The following TAF3 variants were observed in gnomAD, a reference collection of about 807,000 sequenced individuals.
TAF3 encodes TATA-box binding protein associated factor 3.
A neutral mutation model predicts 80.6 loss-of-function variants in TAF3; 7 were observed. The ratio of observed to expected loss-of-function variants is 0.09; its 90% confidence interval spans 0.05 to 0.16. TAF3 has a LOEUF of 0.16. Ranked by LOEUF, TAF3 falls within the 10% of genes least tolerant of loss-of-function variation. The pLI is 1.00. For synonymous variants in TAF3, 444 were observed against 446.1 expected (o/e 1.00, Z 0.06); for missense variants, 921 against 1,140.2 (o/e 0.81, Z 2.77).
rs779441787 is a variant in TAF3, at chr10:7,977,259, G to T, written c.2251G>T (p.Ala751Ser). The T allele has an allele frequency of 1.2e-6, 2 of 1,614,116 alleles. No individual in the cohort carries two copies. The highest frequency in any genetic ancestry group is 1.7e-5 in the Admixed American group (1 of 60,020). ...TCCACAGATAAAAGTGGAACCAGTC[G>T]CTCTGGCCCCGAGTCCAGTTATCCC... is the stretch of plus-strand genomic sequence containing the variant. ...KHEKIKVEPV[A>S]LAPSPVIPRL... is the part of the protein sequence containing the mutation. Residue 751 changes from alanine (A) to serine (S), a missense_variant, in exon 4 of 7, where the codon GCT becomes TCT. This residue lies in a region of TAF3 where 743 missense variants were observed against 821.0 expected (regional missense o/e 0.90). Coordinates refer to ENST00000344293, the MANE Select transcript of TAF3 (RefSeq NM_031923.4).
At chr10:7,900,408 T>G (rs1277170886) in intron 2 of TAF3, among the ~76,000 whole-genome samples, 1 of 152,224 alleles carries the variant, frequency 6.6e-6, no homozygotes, top group African/African-American at 2.4e-5. Flanking sequence ...TTTGGTAGCC[T>G]GAAATTGGAG....
chr10:7,845,310 G>A (rs565289383), intron 2 of TAF3, among the ~76,000 whole-genome samples: 4 of 151,114 alleles, frequency 2.6e-5, no homozygotes, highest in Non-Finnish European at 5.9e-5. Flanking sequence ...AGGTCTTTGT[G>A]TGTGTGCGTG....
intron 4 of TAF3, among the ~76,000 whole-genome samples, chr10:7,991,283 A>AC (rs1831831136): frequency 6.6e-6 from 1 of 152,194 alleles, no homozygotes; most frequent in East Asian, 1.9e-4. Context: ...TCCCTTGGAC[A>AC]CCTTTTTTTA....
At chr10:7,986,818 G>A (rs181442755) in intron 4 of TAF3, among the ~76,000 whole-genome samples, 1 of 152,306 alleles carries the variant, frequency 6.6e-6, no homozygotes, top group East Asian at 1.9e-4. Flanking sequence ...AAAAGGATAT[G>A]TAGCTAGGAT....
At chr10:7,908,160 A>T (rs974333658) in intron 2 of TAF3, among the ~76,000 whole-genome samples, 26 of 152,066 alleles carry the variant, frequency 1.7e-4, no homozygotes, top group Admixed American at 7.9e-4. Context: ...GTACATAGAC[A>T]TGTACGTTTG....
At position 7,965,058 on chromosome 10, in the gene TAF3, T is replaced by G; in HGVS notation, c.1548T>G (p.Pro516=). 1 of 1,614,008 alleles carries G rather than the reference T, an allele frequency of 6.2e-7. No individual in the cohort carries two copies. The highest frequency in any genetic ancestry group is 8.5e-7 in the Non-Finnish European group (1 of 1,180,040). ...TGTATGAGGAGAAAACCAAGCTGCC[T>G]TCCTCCGTGGAGGTAAAGAAGAAGT... ...HKVYEEKTKL[P]SSVEVKKKLK... The change falls in exon 3 of 7, where the codon CCT becomes CCG. Residue 516 remains proline, a synonymous_variant. Coordinates refer to ENST00000344293, the MANE Select transcript of TAF3 (RefSeq NM_031923.4).
At chr10:7,932,803 G>T (rs539605287) in intron 2 of TAF3, among the ~76,000 whole-genome samples, 2 of 149,766 alleles carry the variant, frequency 1.3e-5, no homozygotes, top group Non-Finnish European at 3.0e-5. Flanking sequence ...TCAGCCCCTA[G>T]AGTAGCTGGT....
At chr10:7,870,817 C>T (rs1156473731) in intron 2 of TAF3, among the ~76,000 whole-genome samples, 1 of 152,004 alleles carries the variant, frequency 6.6e-6, no homozygotes, top group Non-Finnish European at 1.5e-5. Context: ...CTTCTTCTGC[C>T]CTGCCACCCC....
At chr10:7,935,620 A>G (rs574282364) in intron 2 of TAF3, among the ~76,000 whole-genome samples, 4 of 151,938 alleles carry the variant, frequency 2.6e-5, no homozygotes, top group Non-Finnish European at 5.9e-5. Flanking sequence ...AGCTAAAGCT[A>G]AGTAGAGGGC....
intron 2 of TAF3, among the ~76,000 whole-genome samples, chr10:7,933,419 C>T (rs760753954): frequency 6.6e-5 from 10 of 152,174 alleles, no homozygotes; most frequent in Non-Finnish European, 1.0e-4. Context: ...AAAGGCTGCA[C>T]GACGAGCTCT....
At chr10:7,842,172 TTTTG>T (rs1564345349) in intron 2 of TAF3, among the ~76,000 whole-genome samples, 6 of 97,136 alleles carry the variant, frequency 6.2e-5, no homozygotes, top group South Asian at 3.9e-4. Flanking sequence ...TTGTTTTTTT[TTTTG>T]TTTTTTTTTT....
In TAF3 at chr10:8,016,453, A is replaced by G. The variant is rs980463194; in HGVS notation, c.*1702A>G. 11 of 152,266 alleles carry G rather than the reference A, an allele frequency of 7.2e-5. No individual in the cohort carries two copies. Among genetic ancestry groups the G allele is most frequent in the African/African-American group, 2.6e-4 (11 of 41,548 alleles). The allele number at this position is 152,266 out of a possible 1,614,324, so 9.4% of individuals were successfully genotyped here. A position where few individuals can be genotyped will look rare whatever the true frequency, so the allele number is the denominator to read the frequency against. ...TTGTTCAAGAGGCCAGAATTTTTCT[A>G]TCCCCGCTAAGAAACAAAGCATCTA... On this transcript the variant is annotated 3_prime_UTR_variant, in exon 7 of 7. Transcript: ENST00000344293.
At chr10:7,901,199 A>G (rs929567653) in intron 2 of TAF3, among the ~76,000 whole-genome samples, 1 of 152,238 alleles carries the variant, frequency 6.6e-6, no homozygotes, top group Non-Finnish European at 1.5e-5. Context: ...ACATAAAACT[A>G]TAATGCATAT....
At chr10:7,850,096 A>G (rs1051795842) in intron 2 of TAF3, among the ~76,000 whole-genome samples, 4 of 152,208 alleles carry the variant, frequency 2.6e-5, no homozygotes, top group Non-Finnish European at 1.5e-5. Context: ...GTATTTCCTG[A>G]TAAGTCCTCT....
Position 7,936,541 on chromosome 10 carries a change from T to C in TAF3, c.410-27379T>C, listed in dbSNP as rs1456248933. On this transcript the variant is annotated intron_variant, in intron 2 of 6. Coordinates refer to ENST00000344293, the MANE Select transcript of TAF3 (RefSeq NM_031923.4). ...ATAGACTTTATTATTTAGAGCAGTT[T>C]TGAGTTCCCAGTAAAATTGAACAGA... Among the ~76,000 whole-genome samples the C allele has an allele frequency of 2.0e-5, 3 of 152,056 alleles. No individual in the cohort carries two copies. In the East Asian group the frequency reaches 5.8e-4, roughly 29 times the overall value.
chr10:7,923,499 T>A (rs748815845), intron 2 of TAF3, among the ~76,000 whole-genome samples: 2 of 152,010 alleles, frequency 1.3e-5, no homozygotes, highest in Non-Finnish European at 2.9e-5. Flanking sequence ...CATATCTTTA[T>A]GTTTAAAATA....
At chr10:7,989,102 A>G (rs1007336893) in intron 4 of TAF3, among the ~76,000 whole-genome samples, 2 of 152,202 alleles carry the variant, frequency 1.3e-5, no homozygotes, top group African/African-American at 4.8e-5. Flanking sequence ...GTGATCTACC[A>G]AGATTTCAAC....
At chr10:7,827,978 C>T (rs1415019593) in intron 2 of TAF3, among the ~76,000 whole-genome samples, 6 of 151,902 alleles carry the variant, frequency 3.9e-5, no homozygotes, top group Admixed American at 1.3e-4. Context: ...CACATGACAG[C>T]GAATATTAGT....
intron 2 of TAF3, among the ~76,000 whole-genome samples, chr10:7,871,572 T>C (rs1837267196): frequency 6.6e-6 from 1 of 151,308 alleles, no homozygotes; most frequent in Non-Finnish European, 1.5e-5. Flanking sequence ...GCCTCACAAG[T>C]AGCTGGGATT....
Sources: allele counts gnomAD v4.1 joint callset (sites outside exome capture counted in the v4.1 genomes callset), GRCh38; gene constraint gnomAD v4.1.1; regional missense constraint gnomAD v4.1.1; transcripts MANE v1.5; gene names NCBI Gene and HGNC (gene_info 2026-07-23, HGNC 2026-07-21).